CRTAC1: variants seen among roughly 807,000 people sequenced by gnomAD.
CRTAC1 encodes the protein cartilage acidic protein 1.
A neutral mutation model predicts 67.8 loss-of-function variants in CRTAC1; 37 were observed. The ratio of observed to expected loss-of-function variants is 0.55; its 90% CI spans 0.42 to 0.72. CRTAC1 has a LOEUF of 0.72. CRTAC1 is among the 30% of genes least tolerant of loss of function. The pLI is 0.00. For synonymous variants in CRTAC1, 348 were observed against 371.0 expected (o/e 0.94, Z 0.71); for missense variants, 780 against 931.6 (o/e 0.84, Z 2.12).
chr10:97,889,459 G>GT (rs201913198), intron 11 of CRTAC1, among the ~76,000 whole-genome samples: 12 of 142,594 alleles, frequency 8.4e-5, no homozygotes, highest in Non-Finnish European at 1.5e-4. Context: ...TTGGTGGGGG[G>GT]GGGTCCACTG....
At chr10:97,941,595 G>T (rs1227029269) in intron 2 of CRTAC1, among the ~76,000 whole-genome samples, 1 of 151,968 alleles carries the variant, frequency 6.6e-6, no homozygotes, top group Admixed American at 6.6e-5. Flanking sequence ...AAATACTAAG[G>T]CCAGGAACCT....
intron 2 of CRTAC1, among the ~76,000 whole-genome samples, chr10:97,938,782 TGG>T (rs2051128564): frequency 6.6e-6 from 1 of 152,248 alleles, no homozygotes; most frequent in South Asian, 2.1e-4. Context: ...GGCCTTGGGC[TGG>T]TCAGTTCTCT....
chr10:97,921,657 C>T (rs1006640808), intron 4 of CRTAC1, among the ~76,000 whole-genome samples: 2 of 152,180 alleles, frequency 1.3e-5, no homozygotes, highest in African/African-American at 4.8e-5. Context: ...CTGCACCATG[C>T]TGCATTCCTC....
intron 13 of CRTAC1, among the ~76,000 whole-genome samples, chr10:97,880,910 CGTCT>C (rs2050205086): frequency 6.6e-6 from 1 of 152,118 alleles, no homozygotes; most frequent in African/African-American, 2.4e-5. Context: ...CTGATTTCTC[CGTCT>C]TTCTTGCCCC....
chr10:97,949,762 C>G (rs191162333), intron 2 of CRTAC1, among the ~76,000 whole-genome samples: 323 of 152,346 alleles, frequency 2.1e-3, no homozygotes, highest in Admixed American at 4.2e-3. Context: ...CCTGGTCAAG[C>G]CACCTAACCT....
chr10:97,974,992 G>A (rs2051775264), intron 2 of CRTAC1, among the ~76,000 whole-genome samples: 2 of 152,024 alleles, frequency 1.3e-5, no homozygotes, highest in South Asian at 2.1e-4. Flanking sequence ...TGGGGGAGGA[G>A]GAGACCGGAG....
intron 14 of CRTAC1, chr10:97,876,018 T>C (rs944736173): frequency 6.6e-6 from 1 of 152,254 alleles, no homozygotes; most frequent in Non-Finnish European, 1.5e-5. Context: ...TGCCACCTCT[T>C]CTTGCAGACT....
chr10:97,880,542 C>T, intron 13 of CRTAC1, 150 bp from the exon 14 acceptor site: 1 of 1,013,336 alleles, frequency 9.9e-7, no homozygotes, highest in Non-Finnish European at 1.4e-6. Flanking sequence ...GCTGGCTCCT[C>T]CTGTACTTGG....
chr10:97,944,017 A>G (rs1185218597), intron 2 of CRTAC1, among the ~76,000 whole-genome samples: 1 of 152,236 alleles, frequency 6.6e-6, no homozygotes, highest in African/African-American at 2.4e-5. Context: ...TTGGGAATAC[A>G]TAGTTTCCTG....
Position 97,895,898 on chromosome 10 carries a change from A to G in CRTAC1, c.1304T>C (p.Phe435Ser). The G allele has an allele frequency of 6.2e-7, 1 of 1,613,244 alleles. No homozygotes were observed. The highest frequency in any genetic ancestry group is 8.5e-7 in the Non-Finnish European group (1 of 1,179,280). The change falls in exon 10 of 15, where the codon TTC (phenylalanine) becomes TCC (serine). Residue 435 changes from phenylalanine (F) to serine (S), a missense_variant. Transcript: ENST00000370597. The surrounding 1 kb of genome is among the most constrained non-coding windows in gnomAD (Gnocchi z 4.2). Reference protein sequence around the residue: ...GESMAQPLSVFRGNQGFNNNW... With the variant: ...GESMAQPLSVSRGNQGFNNNW... ...GTCTTAGCGCACCTGATTGCCCCGG[A>G]AGACGGACAGCGGCTGAGCCATGGA...
intron 2 of CRTAC1, among the ~76,000 whole-genome samples, chr10:97,942,790 G>A (rs183344797): frequency 6.6e-6 from 1 of 151,704 alleles, no homozygotes; most frequent in African/African-American, 2.4e-5. Flanking sequence ...AAAAAGGCTG[G>A]GTATGGTAGC....
At chr10:97,996,992 A>G (rs1842587540) in intron 2 of CRTAC1, among the ~76,000 whole-genome samples, 1 of 149,402 alleles carries the variant, frequency 6.7e-6, no homozygotes, top group African/African-American at 2.5e-5. Flanking sequence ...AGGACAAAAA[A>G]CCAAACACCG....
chr10:97,924,487 A>AGGGGCC (rs2050885588), intron 3 of CRTAC1, among the ~76,000 whole-genome samples: 4 of 151,886 alleles, frequency 2.6e-5, no homozygotes, highest in Admixed American at 1.3e-4. Context: ...ACAGCATGGC[A>AGGGGCC]CAGGGGCCCA....
intron 14 of CRTAC1, chr10:97,878,624 G>C (rs2050173712): frequency 7.7e-7 from 1 of 1,303,680 alleles, no homozygotes; most frequent in Non-Finnish European, 1.0e-6. Context: ...TTTCCAAAGA[G>C]TGTTCTGGCT....
chr10:97,995,049 A>G (rs973488808), intron 2 of CRTAC1, among the ~76,000 whole-genome samples: 3 of 152,238 alleles, frequency 2.0e-5, no homozygotes, highest in South Asian at 2.1e-4. Flanking sequence ...TCATATGGCT[A>G]TAGGTATTTT....
Position 97,895,746 on chromosome 10 carries a change from A to G in CRTAC1, c.1317+139T>C. ...GAGCTTCCCGGTGCTGCTGGAATTT[A>G]CTTCCCTCCTCCAGGGCCCGGGACT... On this transcript the variant is annotated intron_variant, in intron 10 of 14. Transcript: ENST00000370597. This position sits in a 1 kb window ranked among gnomAD's most constrained non-coding sequence, Gnocchi z 4.2. 1.5e-6 allele frequency: 1 copy of G among 672,966 alleles called. No individual in the cohort carries two copies. Among genetic ancestry groups the G allele is most frequent in the Non-Finnish European group, 2.5e-6 (1 of 404,316 alleles). The allele number at this position is 672,966 out of a possible 1,614,324, so 41.7% of individuals were successfully genotyped here. A position where few individuals can be genotyped will look rare whatever the true frequency, so the allele number is the denominator to read the frequency against.
At chr10:97,961,197 G>T (rs963294446) in intron 2 of CRTAC1, among the ~76,000 whole-genome samples, 3 of 152,076 alleles carry the variant, frequency 2.0e-5, no homozygotes, top group African/African-American at 7.2e-5. Flanking sequence ...CCTGCTTGAA[G>T]ACCCCACCCC....
chr10:97,887,712 A>G (rs1166352623), intron 11 of CRTAC1, among the ~76,000 whole-genome samples: 3 of 152,228 alleles, frequency 2.0e-5, no homozygotes, highest in Non-Finnish European at 4.4e-5. Flanking sequence ...CAGCTACTTC[A>G]TCTGTAAGAT....
chr10:97,916,155 C>G (rs147535787), intron 5 of CRTAC1, among the ~76,000 whole-genome samples: 5 of 151,288 alleles, frequency 3.3e-5, no homozygotes, highest in African/African-American at 1.2e-4. Flanking sequence ...CTTCATCCCC[C>G]CAGTGCACCC....
Sources: allele counts gnomAD v4.1 joint callset (sites outside exome capture counted in the v4.1 genomes callset), GRCh38; gene constraint gnomAD v4.1.1; non-coding constraint Gnocchi (gnomAD v3.1); transcripts MANE v1.5; gene names NCBI Gene and HGNC (gene_info 2026-07-23, HGNC 2026-07-21).